THSD4: variants seen among roughly 807,000 people sequenced by gnomAD.
The protein encoded by THSD4 is thrombospondin type-1 domain-containing protein 4.
In THSD4, 69 loss-of-function variants were observed where a neutral mutation model predicts 119.0. The ratio of observed to expected loss-of-function variants is 0.58; its 90% CI spans 0.48 to 0.71. The LOEUF is 0.71. Ranked by LOEUF, THSD4 falls within the 30% of genes least tolerant of loss-of-function variation. THSD4 has a pLI of 0.00. For synonymous variants in THSD4, 524 were observed against 540.4 expected (o/e 0.97, Z 0.42); for missense variants, 1,393 against 1,391.1 (o/e 1.00, Z -0.02).
At chr15:71,166,427 C>T (rs2043295239) in intron 3 of THSD4, among the ~76,000 whole-genome samples, 1 of 152,212 alleles carries the variant, frequency 6.6e-6, no homozygotes, top group Non-Finnish European at 1.5e-5. Flanking sequence ...TGGGGCAATG[C>T]AGCCACATGA....
intron 8 of THSD4, among the ~76,000 whole-genome samples, chr15:71,712,727 A>G (rs2052540701): frequency 6.6e-6 from 1 of 152,242 alleles, no homozygotes; most frequent in Non-Finnish European, 1.5e-5. Context: ...GGGTACATCG[A>G]TGAAATGGAA....
At chr15:71,467,162 A>G (rs2047512525) in intron 7 of THSD4, among the ~76,000 whole-genome samples, 1 of 152,176 alleles carries the variant, frequency 6.6e-6, no homozygotes, top group African/African-American at 2.4e-5. Context: ...TCTATTTTCC[A>G]CAAAAGTCCA....
At chr15:71,589,900 GTCA>G (rs2049762311) in intron 7 of THSD4, among the ~76,000 whole-genome samples, 1 of 139,326 alleles carries the variant, frequency 7.2e-6, no homozygotes, top group Admixed American at 7.3e-5. Context: ...AGCCACATGT[GTCA>G]TCATGGACAC....
chr15:71,488,178 T>C (rs2047852434), intron 7 of THSD4, among the ~76,000 whole-genome samples: 3 of 152,220 alleles, frequency 2.0e-5, no homozygotes, highest in Admixed American at 2.0e-4. Context: ...CATTCTAATA[T>C]ATTTGAATAT....
intron 8 of THSD4, among the ~76,000 whole-genome samples, chr15:71,715,692 G>A (rs935888645): frequency 2.0e-5 from 3 of 151,712 alleles, no homozygotes; most frequent in Admixed American, 6.6e-5. Flanking sequence ...CCATGACATT[G>A]AGAACAACCC....
intron 7 of THSD4, among the ~76,000 whole-genome samples, chr15:71,426,443 A>G (rs2046870117): frequency 6.6e-6 from 1 of 151,514 alleles, no homozygotes; most frequent in Non-Finnish European, 1.5e-5. Flanking sequence ...CTTTATATAT[A>G]CACTATTGTG....
At chr15:71,525,904 G>A (rs2048511013) in intron 7 of THSD4, among the ~76,000 whole-genome samples, 1 of 152,164 alleles carries the variant, frequency 6.6e-6, no homozygotes, top group Admixed American at 6.5e-5. Flanking sequence ...AACCCCTCAA[G>A]GACAGGGAAT....
At chr15:71,339,484 A>G (rs1156908103) in intron 6 of THSD4, among the ~76,000 whole-genome samples, 3 of 151,828 alleles carry the variant, frequency 2.0e-5, no homozygotes, top group Non-Finnish European at 4.4e-5. Flanking sequence ...TTGCCTTGTC[A>G]CTCTCTAACA....
intron 8 of THSD4, among the ~76,000 whole-genome samples, chr15:71,674,538 T>C (rs2051599618): frequency 6.6e-6 from 1 of 152,204 alleles, no homozygotes; most frequent in Non-Finnish European, 1.5e-5. Context: ...ATGTTTGAAC[T>C]ATGCTGATGC....
intron 6 of THSD4, among the ~76,000 whole-genome samples, chr15:71,377,434 G>T (rs2046153326): frequency 1.3e-5 from 2 of 152,102 alleles, no homozygotes; most frequent in African/African-American, 2.4e-5. Flanking sequence ...TGTGGACTCT[G>T]AGCCATGACC....
chr15:71,543,826 G>A (rs371192411), intron 7 of THSD4, among the ~76,000 whole-genome samples: 11 of 152,242 alleles, frequency 7.2e-5, no homozygotes, highest in Admixed American at 2.6e-4. Flanking sequence ...TTGGGAGTTC[G>A]AGACCTGCCT....
chr15:71,210,426 T>G (rs2043879703), intron 3 of THSD4, among the ~76,000 whole-genome samples: 1 of 152,148 alleles, frequency 6.6e-6, no homozygotes, highest in Admixed American at 6.5e-5. Flanking sequence ...CTGCAAGGTG[T>G]GGATGTGATC....
intron 7 of THSD4, among the ~76,000 whole-genome samples, chr15:71,489,414 A>G (rs139000459): frequency 0.011 from 1,716 of 152,182 alleles, 24 homozygotes; most frequent in Non-Finnish European, 0.013. Context: ...TTACCCCCCA[A>G]ATTGCATAAA....
chr15:71,167,023 A>G (rs1037380515), intron 3 of THSD4: 2 of 152,160 alleles, frequency 1.3e-5, no homozygotes. Context: ...GGCCACCAAG[A>G]TCATTGCCAT....
chr15:71,205,620 C>T (rs2140242236), intron 3 of THSD4, among the ~76,000 whole-genome samples: 1 of 152,258 alleles, frequency 6.6e-6, no homozygotes, highest in Admixed American at 6.5e-5. Context: ...TCTATTGGGG[C>T]AATTCTGATC....
intron 3 of THSD4, among the ~76,000 whole-genome samples, chr15:71,171,868 A>G (rs1424368357): frequency 6.6e-6 from 1 of 152,244 alleles, no homozygotes; most frequent in African/African-American, 2.4e-5. Context: ...GAAGACGATC[A>G]TAAAAGGAAG....
rs1168121713 is a variant in THSD4 at position 71,459,342 on chromosome 15, CTCTG to C, written c.1152+47523_1152+47526del. ...CCCAACTATCTCTCTCTCTCTGTCT[CTCTG>C]TCTCTCTCTCTCTCTCTGTCTCTCT... is the stretch of plus-strand genomic sequence containing the variant. On this transcript the variant is annotated intron_variant, in intron 7 of 17. Transcript: ENST00000261862. Among the ~76,000 whole-genome samples the C allele has an allele frequency of 1.8e-3, 261 of 144,518 alleles. 13 individuals are homozygous for C. In the South Asian group the frequency reaches 0.06, roughly 33 times the overall value. The allele number at this position is 144,518 out of a possible 152,430, so 94.8% of individuals were successfully genotyped here.
At chr15:71,660,507 T>C in intron 7 of THSD4, 23 bp from the exon 8 acceptor site, 1 of 1,613,876 alleles carries the variant, frequency 6.2e-7, no homozygotes, top group Non-Finnish European at 8.5e-7. Context: ...ACTATGAGTC[T>C]TTTGTTTTCT....
At chr15:71,318,665 A>G (rs2045223982) in intron 6 of THSD4, among the ~76,000 whole-genome samples, 1 of 152,150 alleles carries the variant, frequency 6.6e-6, no homozygotes, top group Non-Finnish European at 1.5e-5. Context: ...AGCAATCAGA[A>G]GGGCCAGAAC....
Sources: gnomAD v4.1 joint callset for allele counts (sites outside exome capture counted in the v4.1 genomes callset) on GRCh38, gnomAD v4.1.1 for gene constraint, MANE v1.5 for transcripts, NCBI Gene and HGNC (gene_info 2026-07-23, HGNC 2026-07-21) for gene names.